GALNT2: variants seen among roughly 807,000 people sequenced by gnomAD.
GALNT2 encodes the protein UDP-GalNAc:polypeptide N-acetylgalactosaminyltransferase 2.
A neutral mutation model predicts 81.4 loss-of-function variants in GALNT2; 31 were observed. The observed-to-expected ratio is 0.38, with a 90% CI of 0.29 to 0.51. The LOEUF (loss-of-function observed/expected upper bound fraction) is 0.51, where lower values mean the gene tolerates loss of function less well. GALNT2 is among the 20% of genes least tolerant of loss of function. The probability of loss-of-function intolerance (pLI) is 0.87; values close to 1 mark genes in which losing one functional copy is unlikely to be tolerated. For missense variants in GALNT2, 629 were observed against 765.7 expected, an observed-to-expected ratio of 0.82 and a Z score of 2.11; for synonymous variants, 303 against 287.4, an observed-to-expected ratio of 1.05 and a Z score of -0.55.
chr1:230,207,953 T>C (rs1664117562), intron 3 of GALNT2, among the ~76,000 whole-genome samples: 1 of 152,356 alleles, frequency 6.6e-6, no homozygotes, highest in Non-Finnish European at 1.5e-5. Flanking sequence ...GTTATCTATC[T>C]TGGCGGTACA....
At chr1:230,105,401 T>TC (rs984576473) in intron 1 of GALNT2, among the ~76,000 whole-genome samples, 13 of 151,356 alleles carry the variant, frequency 8.6e-5, no homozygotes, top group African/African-American at 1.7e-4. Flanking sequence ...AATGCACATT[T>TC]CCCCCGCCTC....
intron 1 of GALNT2, among the ~76,000 whole-genome samples, chr1:230,159,567 T>C (rs1662366916): frequency 6.6e-6 from 1 of 152,200 alleles, no homozygotes. Flanking sequence ...GCTCTAAGTT[T>C]GGGCCATGAG....
chr1:230,191,258 T>C (rs1663514716), intron 2 of GALNT2, among the ~76,000 whole-genome samples: 2 of 152,144 alleles, frequency 1.3e-5, no homozygotes, highest in Non-Finnish European at 2.9e-5. Flanking sequence ...GAGCACAGAG[T>C]GTTCAGGGAT....
intron 1 of GALNT2, among the ~76,000 whole-genome samples, chr1:230,105,773 T>G (rs1660526447): frequency 6.6e-6 from 1 of 152,124 alleles, no homozygotes; most frequent in Non-Finnish European, 1.5e-5. Context: ...ATAAGCATGA[T>G]TATATCCATT....
intron 1 of GALNT2, among the ~76,000 whole-genome samples, chr1:230,144,239 A>G (rs937764564): frequency 6.6e-6 from 1 of 152,180 alleles, no homozygotes; most frequent in Non-Finnish European, 1.5e-5. Context: ...TGACCATGCT[A>G]TTTAGTGTCC....
In GALNT2 at chr1:230,067,323, TG is replaced by T; in HGVS notation, c.46del (p.Val16CysfsTer126). On this transcript the variant is annotated frameshift_variant, in exon 1 of 16. Coordinates refer to ENST00000366672, the MANE Select transcript of GALNT2 (RefSeq NM_004481.5). LOFTEE classifies it high-confidence loss of function. ...GATGCTGCTCTGCTTCGCCTTCCTGTGGGTGCTGGGCATCGCCTACTACATG... is the reference window on the plus strand; with the variant it reads ...GATGCTGCTCTGCTTCGCCTTCCTGTGGTGCTGGGCATCGCCTACTACATG... ...SRMLLCFAFL[W>X]VLGIAYYMYS... 7.2e-7 allele frequency: 1 copy of T among 1,389,268 alleles called. No individual in the cohort carries two copies. Among genetic ancestry groups the T allele is most frequent in the Non-Finnish European group, 9.4e-7 (1 of 1,058,250 alleles). 86.1% of individuals were successfully genotyped at this position (1,389,268 alleles called of 1,614,324 possible).
At chr1:230,212,138 T>G (rs1664252300) in intron 3 of GALNT2, among the ~76,000 whole-genome samples, 1 of 152,176 alleles carries the variant, frequency 6.6e-6, no homozygotes. Flanking sequence ...ACGAGAAAGG[T>G]GAGCCACTTG....
chr1:230,146,574 C>T (rs1423553895), intron 1 of GALNT2, among the ~76,000 whole-genome samples: 1 of 152,186 alleles, frequency 6.6e-6, no homozygotes, highest in African/African-American at 2.4e-5. Flanking sequence ...ACCAACCATA[C>T]ACTGCACACT....
rs530364408 is a variant in GALNT2, at chr1:230,082,330, C to T, written c.126+14924C>T. Among the ~76,000 whole-genome samples the T allele has an allele frequency of 1.6e-4, 24 of 152,262 alleles. 1 individual carries two copies. The South Asian group carries it at 4.8e-3, about 30-fold the overall frequency. ...GTGCTGTGTAAGTTTCCAGGGGCAC[C>T]GTAGAACAAAGCAGGCTTAATGGAT... is the stretch of plus-strand genomic sequence containing the variant. On this transcript the variant is annotated intron_variant, in intron 1 of 15. Transcript: ENST00000366672.
At chr1:230,239,074 TTTATC>T (rs1341591678) in intron 6 of GALNT2, among the ~76,000 whole-genome samples, 1 of 152,182 alleles carries the variant, frequency 6.6e-6, no homozygotes, top group East Asian at 1.9e-4. Context: ...AATTTTGTAT[TTTATC>T]AACGTTTTTA....
At chr1:230,124,824 G>A (rs558218619) in intron 1 of GALNT2, among the ~76,000 whole-genome samples, 32 of 152,208 alleles carry the variant, frequency 2.1e-4, no homozygotes, top group African/African-American at 7.7e-4. Context: ...CTAGGGTGGT[G>A]TGGCCTGTCT....
rs150647802 is a variant in GALNT2 at position 230,241,591 on chromosome 1, C to T, written c.608-1715C>T. Among the ~76,000 whole-genome samples the T allele has an allele frequency of 5.0e-3, 757 of 152,162 alleles. 6 individuals are homozygous for T. Among genetic ancestry groups the T allele is most frequent in the African/African-American group, 0.013 (530 of 41,516 alleles). ...CCTGCCGAGTAGCTGGGATTACAGG[C>T]GCACGCCACCACGCCTGGCTAATTT... On this transcript the variant is annotated intron_variant, in intron 6 of 15. Transcript: ENST00000366672.
At chr1:230,140,104 C>A (rs1462685492) in intron 1 of GALNT2, among the ~76,000 whole-genome samples, 4 of 152,262 alleles carry the variant, frequency 2.6e-5, no homozygotes, top group African/African-American at 4.8e-5. Context: ...CGCCCTCCCC[C>A]ACGGGGCTTC....
chr1:230,280,412 G>A lies in GALNT2; in HGVS notation c.*954G>A. On this transcript the variant is annotated 3_prime_UTR_variant, in exon 16 of 16. Transcript: ENST00000366672. ...TACTTATTTTGACAGATATCACTTTGGGTCTTTTTACATTAAATTTCTTTT... is the reference window on the plus strand; with the variant it reads ...TACTTATTTTGACAGATATCACTTTAGGTCTTTTTACATTAAATTTCTTTT... 5.2e-6 allele frequency: 1 copy of A among 191,338 alleles called. No individual in the cohort carries two copies. The highest frequency in any genetic ancestry group is 1.1e-5 in the Non-Finnish European group (1 of 89,974). 11.9% of individuals were successfully genotyped at this position (191,338 alleles called of 1,614,324 possible).
intron 1 of GALNT2, among the ~76,000 whole-genome samples, chr1:230,135,910 C>G (rs1661523911): frequency 6.6e-6 from 1 of 151,626 alleles, no homozygotes; most frequent in Admixed American, 6.6e-5. Context: ...CCAGGCTGGT[C>G]CTGAACTCCT....
intron 10 of GALNT2, among the ~76,000 whole-genome samples, chr1:230,252,487 G>A (rs1385320237): frequency 6.6e-6 from 1 of 152,162 alleles, no homozygotes; most frequent in East Asian, 1.9e-4. Context: ...ATGATGCTAA[G>A]TACTTCCAGG....
intron 1 of GALNT2, among the ~76,000 whole-genome samples, chr1:230,146,769 A>C (rs1211804992): frequency 2.0e-5 from 3 of 152,160 alleles, no homozygotes; most frequent in African/African-American, 4.8e-5. Flanking sequence ...CGTGCATGTA[A>C]GTGAAATGGC....
chr1:230,100,579 G>A (rs939561450), intron 1 of GALNT2, among the ~76,000 whole-genome samples: 6 of 152,282 alleles, frequency 3.9e-5, no homozygotes, highest in African/African-American at 1.4e-4. Context: ...GCCCGCCTCG[G>A]CCTCCCAAAG....
At chr1:230,163,333 T>A (rs1183898041) in intron 1 of GALNT2, among the ~76,000 whole-genome samples, 2 of 152,198 alleles carry the variant, frequency 1.3e-5, no homozygotes, top group South Asian at 2.1e-4. Context: ...TCCGTGGGGC[T>A]GAGGTGCAGT....
Sources: gnomAD v4.1 joint callset for allele counts (sites outside exome capture counted in the v4.1 genomes callset) on GRCh38, gnomAD v4.1.1 for gene constraint, MANE v1.5 for transcripts, NCBI Gene and HGNC (gene_info 2026-07-23, HGNC 2026-07-21) for gene names.